The following CTNNA3 variants were observed in gnomAD, a reference collection of about 807,000 sequenced individuals.
CTNNA3 encodes catenin alpha 3, also known as catenin alpha-3.
In CTNNA3, 76 loss-of-function variants were observed where a neutral mutation model predicts 95.7. The observed-to-expected ratio is 0.79, with a 90% CI of 0.66 to 0.96. The LOEUF is 0.96. Among genes scored for constraint, CTNNA3 ranks in the 40% least tolerant of loss-of-function variants. CTNNA3 has a pLI of 0.00. For synonymous variants in CTNNA3, 431 were observed against 374.4 expected (o/e 1.15, Z -1.74); for missense variants, 1,191 against 1,089.8 (o/e 1.09, Z -1.31).
intron 6 of CTNNA3, among the ~76,000 whole-genome samples, chr10:67,196,483 C>T (rs1025821541): frequency 7.2e-4 from 109 of 152,030 alleles, no homozygotes; most frequent in Non-Finnish European, 1.4e-3. Flanking sequence ...TACATACAGA[C>T]TCCTTTAAAA....
At chr10:66,821,125 A>G (rs1009167027) in intron 7 of CTNNA3, among the ~76,000 whole-genome samples, 2 of 152,182 alleles carry the variant, frequency 1.3e-5, no homozygotes, top group African/African-American at 4.8e-5. Flanking sequence ...AGACAACAAT[A>G]CACAAACATC....
chr10:66,616,816 C>A (rs1400540646), intron 10 of CTNNA3, among the ~76,000 whole-genome samples: 1 of 151,978 alleles, frequency 6.6e-6, no homozygotes, highest in African/African-American at 2.4e-5. Flanking sequence ...TGGTCAGTAT[C>A]TATACATAAA....
intron 5 of CTNNA3, among the ~76,000 whole-genome samples, chr10:67,442,817 T>A (rs189656261): frequency 1.3e-5 from 2 of 152,054 alleles, no homozygotes; most frequent in African/African-American, 2.4e-5. Flanking sequence ...TATTATACTT[T>A]AAGTTTTAGG....
intron 5 of CTNNA3, among the ~76,000 whole-genome samples, chr10:67,445,314 C>T (rs1846704214): frequency 6.6e-6 from 1 of 151,388 alleles, no homozygotes; most frequent in Non-Finnish European, 1.5e-5. Flanking sequence ...AAATAACAGG[C>T]ATAAGTTCTT....
chr10:66,530,347 A>T lies in CTNNA3; in HGVS notation c.1375-9574T>A, dbSNP rs187169657. ...TTGGTAACATCATCATAATTTCAGA[A>T]TTCTAGCAACTGGAGTAATGGCATC... On this transcript the variant is annotated intron_variant, in intron 10 of 17. Transcript: ENST00000433211. Among the ~76,000 whole-genome samples, 47 of 152,298 alleles carry T rather than the reference A, an allele frequency of 3.1e-4. 1 individual carries two copies. The highest frequency in any genetic ancestry group is 1.3e-3 in the Admixed American group (20 of 15,290).
At chr10:66,421,760 G>T (rs542232024) in intron 11 of CTNNA3, among the ~76,000 whole-genome samples, 9 of 149,132 alleles carry the variant, frequency 6.0e-5, no homozygotes, top group Non-Finnish European at 1.0e-4. Context: ...GGCTGAACCC[G>T]AGAGGGAGAG....
At chr10:67,158,196 T>A (rs1861391292) in intron 7 of CTNNA3, among the ~76,000 whole-genome samples, 1 of 152,136 alleles carries the variant, frequency 6.6e-6, no homozygotes, top group South Asian at 2.1e-4. Flanking sequence ...AACTCCTGGC[T>A]TCCCTGTCTA....
At chr10:66,214,806 T>C (rs1222841290) in intron 13 of CTNNA3, among the ~76,000 whole-genome samples, 1 of 152,076 alleles carries the variant, frequency 6.6e-6, no homozygotes, top group Non-Finnish European at 1.5e-5. Flanking sequence ...AAAGAAGTGA[T>C]GGGCATAATC....
At chr10:66,268,713 C>T (rs2091211729) in intron 13 of CTNNA3, among the ~76,000 whole-genome samples, 1 of 152,182 alleles carries the variant, frequency 6.6e-6, no homozygotes, top group South Asian at 2.1e-4. Flanking sequence ...AGAGGGCATT[C>T]ACCAGCTCCT....
intron 11 of CTNNA3, among the ~76,000 whole-genome samples, chr10:66,405,223 T>C (rs974063229): frequency 6.6e-6 from 1 of 152,156 alleles, no homozygotes; most frequent in Non-Finnish European, 1.5e-5. Context: ...GCTACACAGC[T>C]CTGGCTTAGA....
At chr10:66,714,920 G>A (rs1005706125) in intron 9 of CTNNA3, among the ~76,000 whole-genome samples, 5 of 152,100 alleles carry the variant, frequency 3.3e-5, no homozygotes, top group African/African-American at 9.7e-5. Context: ...TACCCTTTCT[G>A]TTCTCATATT....
rs563303155 is a variant in CTNNA3, at chr10:67,026,737, C to T, written c.1047+153580G>A. 1.6e-4 allele frequency among the ~76,000 whole-genome samples: 24 copies of T among 152,294 alleles called. No homozygotes were observed. In the South Asian group the frequency reaches 5.0e-3, roughly 32 times the overall value. On this transcript the variant is annotated intron_variant, in intron 7 of 17. Transcript: ENST00000433211. ...GTATATTAACGTTCATTTAAAACCTCTTCTGTCTGGTTCTTAGTTGTTCAA... is the reference window on the plus strand; with the variant it reads ...GTATATTAACGTTCATTTAAAACCTTTTCTGTCTGGTTCTTAGTTGTTCAA...
intron 14 of CTNNA3, among the ~76,000 whole-genome samples, chr10:66,092,756 AAATC>A (rs1343838833): frequency 2.0e-5 from 3 of 151,936 alleles, no homozygotes; most frequent in Non-Finnish European, 2.9e-5. Context: ...TCTACTCTAT[AAATC>A]AATGGAAGAG....
chr10:67,303,815 C>T (rs936186716), intron 5 of CTNNA3, among the ~76,000 whole-genome samples: 1 of 152,160 alleles, frequency 6.6e-6, no homozygotes, highest in Non-Finnish European at 1.5e-5. Context: ...CATGCCGCAT[C>T]TGCTAAGTGA....
At chr10:67,621,971 C>T (rs1181083208) in intron 2 of CTNNA3, among the ~76,000 whole-genome samples, 1 of 152,162 alleles carries the variant, frequency 6.6e-6, no homozygotes, top group Non-Finnish European at 1.5e-5. Flanking sequence ...AATAGAGACG[C>T]TATGGTCCCC....
chr10:67,706,935 T>C (rs1009222895), intron 1 of CTNNA3, among the ~76,000 whole-genome samples: 2 of 152,168 alleles, frequency 1.3e-5, no homozygotes, highest in African/African-American at 4.8e-5. Context: ...CTCTTGATTT[T>C]TGTCTCTCAA....
chr10:66,376,117 T>C (rs942472313), intron 12 of CTNNA3, among the ~76,000 whole-genome samples: 2 of 152,174 alleles, frequency 1.3e-5, no homozygotes, highest in African/African-American at 2.4e-5. Context: ...ATAGCGTTCA[T>C]AAATCACACA....
intron 6 of CTNNA3, among the ~76,000 whole-genome samples, chr10:67,204,016 T>C (rs72806628): frequency 6.6e-5 from 10 of 152,308 alleles, no homozygotes; most frequent in Non-Finnish European, 1.0e-4. Flanking sequence ...AAAGGAGTGA[T>C]ATTAGCCCTC....
At chr10:66,326,967 A>G (rs1368645413) in intron 12 of CTNNA3, among the ~76,000 whole-genome samples, 1 of 152,100 alleles carries the variant, frequency 6.6e-6, no homozygotes, top group Admixed American at 6.5e-5. Flanking sequence ...ATGTGCAAAT[A>G]CATAGAAAAG....
Sources: gnomAD v4.1 joint callset for allele counts (sites outside exome capture counted in the v4.1 genomes callset) on GRCh38, gnomAD v4.1.1 for gene constraint, MANE v1.5 for transcripts, NCBI Gene and HGNC (gene_info 2026-07-23, HGNC 2026-07-21) for gene names.